Variants in GRAMD1C observed in about 807,000 individuals in gnomAD.
The protein encoded by GRAMD1C is GRAM domain containing 1C, also known as protein Aster-C.
A neutral mutation model predicts 97.8 loss-of-function variants in GRAMD1C; 89 were observed. The ratio of observed to expected loss-of-function variants is 0.91; its 90% CI spans 0.77 to 1.09. The LOEUF (loss-of-function observed/expected upper bound fraction) is 1.09. GRAMD1C is among the 50% of genes least tolerant of loss of function. GRAMD1C has a pLI of 0.00. For synonymous variants in GRAMD1C, 256 were observed against 267.0 expected, an observed-to-expected ratio of 0.96 and a Z score of 0.40; for missense variants, 740 against 766.4, an observed-to-expected ratio of 0.97 and a Z score of 0.41.
chr3:113,883,303 T>C (rs1292272083), intron 6 of GRAMD1C, among the ~76,000 whole-genome samples: 1 of 152,052 alleles, frequency 6.6e-6, no homozygotes, highest in African/African-American at 2.4e-5. Flanking sequence ...GGTGAGCGGA[T>C]TGCTTGAGCC....
intron 10 of GRAMD1C, among the ~76,000 whole-genome samples, chr3:113,920,649 C>A (rs901794487): frequency 6.6e-6 from 1 of 152,112 alleles, no homozygotes; most frequent in African/African-American, 2.4e-5. Context: ...TCAAGTGATT[C>A]TCCTGCTTAT....
chr3:113,885,407 A>G, intron 6 of GRAMD1C: 3 of 1,576,952 alleles, frequency 1.9e-6, no homozygotes, highest in South Asian at 1.1e-5. Flanking sequence ...ACGGTAATTC[A>G]GTACCAAACT....
At chr3:113,932,744 C>G (rs1205423359) in intron 11 of GRAMD1C, among the ~76,000 whole-genome samples, 1 of 152,160 alleles carries the variant, frequency 6.6e-6, no homozygotes, top group African/African-American at 2.4e-5. Flanking sequence ...TTCAGTCTGT[C>G]ACTCAGGCTG....
chr3:113,946,727 TTAAA>T lies in GRAMD1C; in HGVS notation c.*1251_*1254del, dbSNP rs1198535564. 6.6e-6 allele frequency: 1 copy of T among 152,228 alleles called. No individual in the cohort carries two copies. Among genetic ancestry groups the T allele is most frequent in the Non-Finnish European group, 1.5e-5 (1 of 68,040 alleles). 9.4% of individuals were successfully genotyped at this position (152,228 alleles called of 1,614,324 possible). On this transcript the variant is annotated 3_prime_UTR_variant, in exon 18 of 18. Transcript: ENST00000358160. ...CTGTTTGAACAACTATTGCCTTTAA[TTAAA>T]TGTTTCATTTTTCTCCAGAGTCCCC...
At chr3:113,906,422 G>A (rs889409087) in intron 8 of GRAMD1C, among the ~76,000 whole-genome samples, 2 of 152,008 alleles carry the variant, frequency 1.3e-5, no homozygotes, top group African/African-American at 4.8e-5. Context: ...GTGTGTGTTT[G>A]TGTCTTAATT....
chr3:113,844,360 C>A (rs1933512493), intron 1 of GRAMD1C, 143 bp from the exon 2 acceptor site: 1 of 499,692 alleles, frequency 2.0e-6, no homozygotes, highest in South Asian at 3.7e-5. Context: ...ACTATTGAAG[C>A]AAAAACGTAT....
At chr3:113,850,375 C>G in intron 2 of GRAMD1C, 1 of 811,678 alleles carries the variant, frequency 1.2e-6, no homozygotes, top group Non-Finnish European at 2.2e-6. Flanking sequence ...TGTCGGCTTC[C>G]CCTTTTGTGA....
At chr3:113,878,767 TA>T (rs1935148251) in intron 5 of GRAMD1C, among the ~76,000 whole-genome samples, 1 of 152,172 alleles carries the variant, frequency 6.6e-6, no homozygotes, top group Non-Finnish European at 1.5e-5. Flanking sequence ...TTAATATAGT[TA>T]CTTATTTAAC....
chr3:113,831,566 T>A (rs1709558200), intron 1 of GRAMD1C, among the ~76,000 whole-genome samples: 1 of 152,188 alleles, frequency 6.6e-6, no homozygotes, highest in South Asian at 2.1e-4. Flanking sequence ...TATGTTGGTC[T>A]ACTTGGCAGT....
chr3:113,863,726 C>A (rs1325056773), intron 2 of GRAMD1C, among the ~76,000 whole-genome samples: 1 of 152,178 alleles, frequency 6.6e-6, no homozygotes, highest in Non-Finnish European at 1.5e-5. Context: ...GCCCACATCA[C>A]TTCTGTCATG....
chr3:113,939,583 C>A, intron 15 of GRAMD1C: 1 of 210,518 alleles, frequency 4.8e-6, no homozygotes, highest in Non-Finnish European at 9.5e-6. Flanking sequence ...GGTCTCACAT[C>A]AACACTGACT....
At chr3:113,911,732 T>TCCTTCCTTCCTTCCTTC (rs1237050519) in intron 9 of GRAMD1C, among the ~76,000 whole-genome samples, 5 of 10,600 alleles carry the variant, frequency 4.7e-4, no homozygotes, top group Non-Finnish European at 1.2e-3. Flanking sequence ...TCCTTCCTTT[T>TCCTTCCTTCCTTCCTTC]CTTTCTTTCT....
At chr3:113,906,334 C>T (rs551717509) in intron 8 of GRAMD1C, among the ~76,000 whole-genome samples, 4 of 152,110 alleles carry the variant, frequency 2.6e-5, no homozygotes, top group South Asian at 2.1e-4. Context: ...TTCTCCCTGA[C>T]GACCTTCTAG....
chr3:113,940,361 C>T lies in GRAMD1C; in HGVS notation c.1908+16C>T, dbSNP rs1254291319. 5.9e-6 allele frequency: 7 copies of T among 1,187,842 alleles called. No individual in the cohort carries two copies. The highest frequency in any genetic ancestry group is 8.8e-6 in the Non-Finnish European group (7 of 792,084). The allele number at this position is 1,187,842 out of a possible 1,614,324, so 73.6% of individuals were successfully genotyped here. On this transcript the variant is annotated intron_variant, in intron 17 of 17. Transcript: ENST00000358160. ...GCTTGAACAGGTAGGCAACTCGATACATCACAGTACTTAGTATCTTTGTCC... is the reference window on the plus strand; with the variant it reads ...GCTTGAACAGGTAGGCAACTCGATATATCACAGTACTTAGTATCTTTGTCC...
chr3:113,908,362 A>G (rs78850993), intron 8 of GRAMD1C, among the ~76,000 whole-genome samples: 1 of 152,240 alleles, frequency 6.6e-6, no homozygotes, highest in East Asian at 1.9e-4. Flanking sequence ...AAGTATAGAT[A>G]GCATCATATA....
chr3:113,892,889 GCA>G (rs1274396638), intron 6 of GRAMD1C, among the ~76,000 whole-genome samples: 1 of 151,902 alleles, frequency 6.6e-6, no homozygotes, highest in Non-Finnish European at 1.5e-5. Flanking sequence ...CCAGAGCCAA[GCA>G]CAGTCCTGCT....
At chr3:113,937,722 G>A (rs1937604207) in intron 14 of GRAMD1C, among the ~76,000 whole-genome samples, 1 of 152,038 alleles carries the variant, frequency 6.6e-6, no homozygotes, top group African/African-American at 2.4e-5. Context: ...TGTCAGTTGA[G>A]GGCTGGGTGC....
At chr3:113,867,271 G>T (rs1934620428) in intron 2 of GRAMD1C, among the ~76,000 whole-genome samples, 1 of 152,008 alleles carries the variant, frequency 6.6e-6, no homozygotes, top group Admixed American at 6.6e-5. Flanking sequence ...TTTTCTTGCA[G>T]CTTGAAGGAC....
chr3:113,846,759 A>T (rs1322154074), intron 2 of GRAMD1C, among the ~76,000 whole-genome samples: 1 of 152,150 alleles, frequency 6.6e-6, no homozygotes, highest in Non-Finnish European at 1.5e-5. Context: ...AAAGTTTGAG[A>T]AGCACTGATT....
Sources: gnomAD v4.1 joint callset for allele counts (sites outside exome capture counted in the v4.1 genomes callset) on GRCh38, gnomAD v4.1.1 for gene constraint, MANE v1.5 for transcripts, NCBI Gene and HGNC (gene_info 2026-07-23, HGNC 2026-07-21) for gene names.